The following VTI1A variants were observed in gnomAD, a reference collection of about 807,000 sequenced individuals.
VTI1A encodes the protein vesicle transport through interaction with t-SNAREs homolog 1A.
A neutral mutation model predicts 34.9 loss-of-function variants in VTI1A; 22 were observed. The ratio of observed to expected loss-of-function variants is 0.63; its 90% CI spans 0.45 to 0.90. VTI1A has a LOEUF of 0.90. Ranked by LOEUF, VTI1A falls within the 40% of genes least tolerant of loss-of-function variation. VTI1A has a pLI of 0.00. For missense variants in VTI1A, 268 were observed against 275.6 expected (o/e 0.97, Z 0.20); for synonymous variants, 87 against 97.3 (o/e 0.89, Z 0.62).
intron 5 of VTI1A, among the ~76,000 whole-genome samples, chr10:112,541,719 G>A (rs919591265): frequency 6.6e-6 from 1 of 152,144 alleles, no homozygotes; most frequent in Non-Finnish European, 1.5e-5. Context: ...GGCAGTCATT[G>A]TCTCTTCTGG....
At chr10:112,655,153 G>A (rs371496673) in intron 5 of VTI1A, among the ~76,000 whole-genome samples, 3 of 152,084 alleles carry the variant, frequency 2.0e-5, no homozygotes, top group Non-Finnish European at 2.9e-5. Context: ...ATACACACCC[G>A]TACTGAATTA....
intron 3 of VTI1A, among the ~76,000 whole-genome samples, chr10:112,506,100 C>T (rs1455321419): frequency 6.6e-6 from 1 of 152,046 alleles, no homozygotes; most frequent in Non-Finnish European, 1.5e-5. Flanking sequence ...ATTGTGTGAA[C>T]GTCCTAGAAT....
chr10:112,647,192 G>A (rs1437309977), intron 5 of VTI1A, among the ~76,000 whole-genome samples: 3 of 152,124 alleles, frequency 2.0e-5, no homozygotes, highest in Admixed American at 1.3e-4. Context: ...ATGTGTAAAC[G>A]GCTTAACTCT....
intron 5 of VTI1A, among the ~76,000 whole-genome samples, chr10:112,577,218 C>T (rs998267730): frequency 1.3e-5 from 2 of 152,108 alleles, no homozygotes; most frequent in Non-Finnish European, 2.9e-5. Context: ...TCATCTAAAC[C>T]TGATTACCTG....
At chr10:112,745,647 C>G (rs1360042666) in intron 7 of VTI1A, among the ~76,000 whole-genome samples, 1 of 152,192 alleles carries the variant, frequency 6.6e-6, no homozygotes, top group Non-Finnish European at 1.5e-5. Flanking sequence ...AGCTGGATCC[C>G]AAAAGTGCTC....
intron 5 of VTI1A, among the ~76,000 whole-genome samples, chr10:112,571,039 T>C (rs2134363193): frequency 6.6e-6 from 1 of 152,368 alleles, no homozygotes; most frequent in East Asian, 1.9e-4. Context: ...TTGCATACTG[T>C]ACTGTGCTGT....
chr10:112,741,520 T>C (rs1196779375), intron 7 of VTI1A, among the ~76,000 whole-genome samples: 1 of 152,184 alleles, frequency 6.6e-6, no homozygotes, highest in African/African-American at 2.4e-5. Context: ...TTGATATTGA[T>C]GATGATTGTA....
At chr10:112,814,209 C>T (rs1191721757) in intron 7 of VTI1A, among the ~76,000 whole-genome samples, 1 of 152,158 alleles carries the variant, frequency 6.6e-6, no homozygotes, top group Admixed American at 6.5e-5. Context: ...ATCTCCCCAG[C>T]TCCTCCCCAT....
At chr10:112,520,154 G>T (rs958928874) in intron 3 of VTI1A, among the ~76,000 whole-genome samples, 1 of 151,716 alleles carries the variant, frequency 6.6e-6, no homozygotes. Flanking sequence ...TTTATTTTAC[G>T]TATCAAAAGA....
chr10:112,682,919 G>A (rs536080408), intron 7 of VTI1A, among the ~76,000 whole-genome samples: 1 of 152,294 alleles, frequency 6.6e-6, no homozygotes, highest in South Asian at 2.1e-4. Context: ...GGCTGGAGGG[G>A]GTGCCATTCT....
intron 3 of VTI1A, among the ~76,000 whole-genome samples, chr10:112,466,212 T>G (rs1847888843): frequency 6.6e-6 from 1 of 152,178 alleles, no homozygotes; most frequent in Non-Finnish European, 1.5e-5. Flanking sequence ...TGTTTTGCTT[T>G]TGGAGGGTAC....
chr10:112,571,098 G>A (rs889984049), intron 5 of VTI1A, among the ~76,000 whole-genome samples: 5 of 152,100 alleles, frequency 3.3e-5, no homozygotes, highest in African/African-American at 1.2e-4. Flanking sequence ...TGGTTTATGG[G>A]TATTTATCTT....
intron 7 of VTI1A, among the ~76,000 whole-genome samples, chr10:112,699,604 G>A (rs560507840): frequency 2.4e-4 from 37 of 152,256 alleles, no homozygotes; most frequent in Non-Finnish European, 3.1e-4. Context: ...AGGCCAAGAC[G>A]GGTGGATCAT....
chr10:112,758,901 C>T (rs1851368944), intron 7 of VTI1A, among the ~76,000 whole-genome samples: 1 of 152,172 alleles, frequency 6.6e-6, no homozygotes, highest in Non-Finnish European at 1.5e-5. Context: ...GCCGGGGCAA[C>T]ATGGCATCTA....
chr10:112,803,547 G>A (rs1325060249), intron 7 of VTI1A, among the ~76,000 whole-genome samples: 1 of 152,236 alleles, frequency 6.6e-6, no homozygotes, highest in South Asian at 2.1e-4. Flanking sequence ...CTGTGCCGCA[G>A]ATGGCTGACC....
At chr10:112,529,842 CTTATAG>C (rs1453527247) in intron 4 of VTI1A, among the ~76,000 whole-genome samples, 2 of 151,974 alleles carry the variant, frequency 1.3e-5, no homozygotes, top group African/African-American at 4.8e-5. Flanking sequence ...ACACATCCTC[CTTATAG>C]TTGCTTCTTT....
chr10:112,698,436 A>G (rs911429538), intron 7 of VTI1A, among the ~76,000 whole-genome samples: 3 of 152,196 alleles, frequency 2.0e-5, no homozygotes, highest in Admixed American at 6.5e-5. Flanking sequence ...TTTGGAAACT[A>G]TAGACGTAAA....
At chr10:112,808,371 A>G (rs1356921691) in intron 7 of VTI1A, among the ~76,000 whole-genome samples, 1 of 151,452 alleles carries the variant, frequency 6.6e-6, no homozygotes, top group Non-Finnish European at 1.5e-5. Context: ...CATGCCTGTA[A>G]TCCCAGCACT....
chr10:112,835,627 T>G, the VTI1A span, among the ~76,000 whole-genome samples: 207 of 152,322 alleles, frequency 1.4e-3, 1 homozygote, highest in African/African-American at 4.7e-3. Context: ...TTTCATGTGT[T>G]TTTTTCATGT....
Sources: allele counts gnomAD v4.1 joint callset (sites outside exome capture counted in the v4.1 genomes callset), GRCh38; gene constraint gnomAD v4.1.1; transcripts MANE v1.5; gene names NCBI Gene and HGNC (gene_info 2026-07-23, HGNC 2026-07-21).